Variants in COL5A2 observed in about 807,000 individuals in gnomAD.
COL5A2 encodes collagen alpha-2(V) chain.
In COL5A2, 23 loss-of-function variants were observed where a neutral mutation model predicts 208.2. That is an observed-to-expected ratio of 0.11 (90% CI 0.08 to 0.16). The LOEUF is 0.16. COL5A2 is among the 10% of genes least tolerant of loss of function. The pLI is 1.00. For missense variants in COL5A2, 1,590 were observed against 1,956.4 expected (o/e 0.81, Z 3.53); for synonymous variants, 625 against 628.5 (o/e 0.99, Z 0.08).
chr2:189,072,266 C>A, intron 17 of COL5A2, among the ~76,000 whole-genome samples, 173 bp from the exon 18 acceptor site: 1 of 152,104 alleles, frequency 6.6e-6, no homozygotes, highest in Non-Finnish European at 1.5e-5. Flanking sequence ...CAACATCAAT[C>A]TAAAGTAATA....
At chr2:189,178,709 TAAAA>T (rs11296800) in intron 1 of COL5A2, among the ~76,000 whole-genome samples, 3 of 118,150 alleles carry the variant, frequency 2.5e-5, no homozygotes, top group Non-Finnish European at 1.7e-5. Context: ...GATTTATCTT[TAAAA>T]AAAAAAAAAA....
At chr2:189,246,584 C>G in the COL5A2 span, among the ~76,000 whole-genome samples, 1 of 152,146 alleles carries the variant, frequency 6.6e-6, no homozygotes, top group Non-Finnish European at 1.5e-5. Context: ...TAGCTACATA[C>G]CTTGACTATA....
At chr2:189,287,992 T>C in the COL5A2 span, among the ~76,000 whole-genome samples, 1 of 151,910 alleles carries the variant, frequency 6.6e-6, no homozygotes. Flanking sequence ...GTGTATTACA[T>C]ACAAGCAAAA....
At chr2:189,266,475 C>A in the COL5A2 span, among the ~76,000 whole-genome samples, 1 of 151,534 alleles carries the variant, frequency 6.6e-6, no homozygotes, top group Non-Finnish European at 1.5e-5. Context: ...ACATGGATGA[C>A]CCTTAAAAAC....
At chr2:189,197,877 T>C (rs1689025671) in intron 1 of COL5A2, among the ~76,000 whole-genome samples, 1 of 148,750 alleles carries the variant, frequency 6.7e-6, no homozygotes, top group Non-Finnish European at 1.5e-5. Flanking sequence ...TGAGATGGAG[T>C]CTCGCTCTGT....
the COL5A2 span, among the ~76,000 whole-genome samples, chr2:189,342,520 A>ATATATATGTATATAG: frequency 6.7e-6 from 1 of 148,960 alleles, no homozygotes; most frequent in Non-Finnish European, 1.5e-5. Flanking sequence ...CATATATATA[A>ATATATATGTATATAG]ACCCAAAAAA....
the COL5A2 span, among the ~76,000 whole-genome samples, chr2:189,265,953 A>G: frequency 2.0e-5 from 3 of 151,998 alleles, no homozygotes; most frequent in African/African-American, 7.2e-5. Flanking sequence ...ATATGACCCA[A>G]ATATTCCACT....
At chr2:189,069,803 T>C (rs1465026685) in intron 18 of COL5A2, among the ~76,000 whole-genome samples, 3 of 152,192 alleles carry the variant, frequency 2.0e-5, no homozygotes, top group African/African-American at 7.2e-5. Flanking sequence ...AGATTTGAGT[T>C]GTAAAAACTC....
chr2:189,370,585 C>T, the COL5A2 span, among the ~76,000 whole-genome samples: 2 of 151,990 alleles, frequency 1.3e-5, no homozygotes, highest in East Asian at 1.9e-4. Context: ...ACACACAACA[C>T]GTGACACAGA....
intron 1 of COL5A2, among the ~76,000 whole-genome samples, chr2:189,141,854 T>C (rs1379787250): frequency 6.6e-6 from 1 of 152,168 alleles, no homozygotes; most frequent in Non-Finnish European, 1.5e-5. Flanking sequence ...CATATTTTGC[T>C]TGCATGATTT....
At chr2:189,433,993 T>G in the COL5A2 span, among the ~76,000 whole-genome samples, 1 of 152,332 alleles carries the variant, frequency 6.6e-6, no homozygotes, top group Non-Finnish European at 1.5e-5. Context: ...CATGATCAAG[T>G]TGGCTTCATC....
intron 2 of COL5A2, among the ~76,000 whole-genome samples, chr2:189,109,396 A>T (rs58769289): frequency 5.1e-4 from 78 of 152,218 alleles, no homozygotes; most frequent in African/African-American, 1.9e-3. Context: ...GTAAGTTGCT[A>T]TCTATTTCCA....
chr2:189,251,626 T>C, the COL5A2 span, among the ~76,000 whole-genome samples: 1 of 151,022 alleles, frequency 6.6e-6, no homozygotes, highest in Non-Finnish European at 1.5e-5. Flanking sequence ...CTTAATTTCT[T>C]ACTATTTCAA....
At chr2:189,086,217 T>A (rs114456197) in intron 9 of COL5A2, among the ~76,000 whole-genome samples, 6 of 152,346 alleles carry the variant, frequency 3.9e-5, no homozygotes, top group Admixed American at 6.5e-5. Flanking sequence ...TATTTCCTGA[T>A]GCCTGTTAAA....
chr2:189,280,950 T>C, the COL5A2 span, among the ~76,000 whole-genome samples: 10 of 152,100 alleles, frequency 6.6e-5, no homozygotes, highest in East Asian at 1.6e-3. Context: ...GCAAAAGTTA[T>C]TGTAGTTTTT....
At chr2:189,111,017 T>C (rs765681817) in intron 1 of COL5A2, among the ~76,000 whole-genome samples, 1 of 146,942 alleles carries the variant, frequency 6.8e-6, no homozygotes, top group African/African-American at 2.7e-5. Context: ...TTTCATGGAG[T>C]AGAATTCTAT....
the COL5A2 span, among the ~76,000 whole-genome samples, chr2:189,273,692 T>C: frequency 6.6e-6 from 1 of 152,136 alleles, no homozygotes; most frequent in African/African-American, 2.4e-5. Flanking sequence ...AAGAGAATCC[T>C]GTCATTTGCA....
At chr2:189,189,371 A>G (rs762162818) in intron 1 of COL5A2, among the ~76,000 whole-genome samples, 24 of 152,328 alleles carry the variant, frequency 1.6e-4, no homozygotes, top group Middle Eastern at 3.4e-3. Context: ...AAGTACTTTA[A>G]TAAACATTAT....
the COL5A2 span, among the ~76,000 whole-genome samples, chr2:189,247,041 C>CA: frequency 6.6e-6 from 1 of 151,628 alleles, no homozygotes; most frequent in Non-Finnish European, 1.5e-5. Flanking sequence ...CCACACAGAA[C>CA]AAAAAAAGCA....
Sources: gnomAD v4.1 joint callset for allele counts (sites outside exome capture counted in the v4.1 genomes callset) on GRCh38, gnomAD v4.1.1 for gene constraint, MANE v1.5 for transcripts, NCBI Gene and HGNC (gene_info 2026-07-23, HGNC 2026-07-21) for gene names.